The following LCLAT1 variants were observed in gnomAD, a reference collection of about 807,000 sequenced individuals.
The protein encoded by LCLAT1 is lysocardiolipin acyltransferase 1, also known as 1-AGP acyltransferase 8.
A neutral mutation model predicts 30.7 loss-of-function variants in LCLAT1; 11 were observed. That is an observed-to-expected ratio of 0.36 (90% CI 0.23 to 0.59). The LOEUF is 0.59. LCLAT1 is among the 20% of genes least tolerant of loss of function. The pLI is 0.77. For synonymous variants in LCLAT1, 155 were observed against 151.3 expected (o/e 1.02, Z -0.18); for missense variants, 402 against 458.6 (o/e 0.88, Z 1.13).
rs2148324871 is a variant in LCLAT1, at chr2:30,489,638, A to G, written c.-4-35949A>G. Among the ~76,000 whole-genome samples, 2 of 152,268 alleles carry G rather than the reference A, an allele frequency of 1.3e-5. 1 individual carries two copies. Among genetic ancestry groups the G allele is most frequent in the South Asian group, 4.1e-4 (2 of 4,826 alleles). On this transcript the variant is annotated intron_variant, in intron 1 of 5. Transcript: ENST00000379509. ...AAGTGCTGGGATTACAGGCGTGAGC[A>G]CCGCGCCCAGCCCACAGTTATCTTA...
intron 5 of LCLAT1, among the ~76,000 whole-genome samples, chr2:30,591,001 G>A (rs1029500184): frequency 5.3e-5 from 8 of 152,116 alleles, no homozygotes; most frequent in Non-Finnish European, 7.4e-5. Flanking sequence ...GCTGATATAT[G>A]TATTGTGACT....
chr2:30,491,204 A>G (rs575008538), intron 1 of LCLAT1, among the ~76,000 whole-genome samples: 1 of 152,346 alleles, frequency 6.6e-6, no homozygotes, highest in South Asian at 2.1e-4. Context: ...ACCCAAGTAC[A>G]TCTGTAAATA....
intron 5 of LCLAT1, 82 bp downstream of exon 5, chr2:30,568,258 A>G: frequency 4.8e-6 from 3 of 618,924 alleles, no homozygotes; most frequent in Non-Finnish European, 8.4e-6. Flanking sequence ...TAGAGTTTGT[A>G]AAGGATTTTT....
intron 1 of LCLAT1, among the ~76,000 whole-genome samples, chr2:30,519,337 G>T (rs374988324): frequency 6.6e-6 from 1 of 152,128 alleles, no homozygotes; most frequent in African/African-American, 2.4e-5. Flanking sequence ...CCCCTGGACC[G>T]GCCTGCTAGC....
In LCLAT1 at chr2:30,640,167, A is replaced by G; in HGVS notation, c.679A>G (p.Ile227Val). 6.2e-7 allele frequency: 1 copy of G among 1,614,018 alleles called. No homozygotes were observed. The highest frequency in any genetic ancestry group is 8.5e-7 in the Non-Finnish European group (1 of 1,179,950). ...TATCACTGTGGCGTATCCTCACAAC[A>G]TTCCTCAATCAGAGAAGCACCTCCT... ...HDITVAYPHNIPQSEKHLLQG... is the reference protein window; with the variant it reads ...HDITVAYPHNVPQSEKHLLQG... The change falls in exon 6 of 6, where the codon ATT becomes GTT. Residue 227 changes from isoleucine to valine, a missense_variant. Transcript: ENST00000379509.
At chr2:30,617,150 C>T (rs776654597) in intron 5 of LCLAT1, among the ~76,000 whole-genome samples, 2 of 152,104 alleles carry the variant, frequency 1.3e-5, no homozygotes, top group Non-Finnish European at 2.9e-5. Context: ...TGAAACATGT[C>T]CATCACCCCC....
At chr2:30,544,527 T>A (rs1399598456) in intron 3 of LCLAT1, among the ~76,000 whole-genome samples, 1 of 152,206 alleles carries the variant, frequency 6.6e-6, no homozygotes, top group Non-Finnish European at 1.5e-5. Flanking sequence ...AGTTATGCTG[T>A]TAGTAGCTTC....
chr2:30,501,351 C>G (rs996637589), intron 1 of LCLAT1, among the ~76,000 whole-genome samples: 3 of 152,038 alleles, frequency 2.0e-5, no homozygotes, highest in Non-Finnish European at 4.4e-5. Flanking sequence ...GTGGTGTGTT[C>G]ATTCAGTTTG....
chr2:30,624,932 A>G (rs1288025128), intron 5 of LCLAT1, among the ~76,000 whole-genome samples: 3 of 152,224 alleles, frequency 2.0e-5, no homozygotes, highest in Admixed American at 2.0e-4. Context: ...CCACAACAGA[A>G]TAAAACTGGA....
chr2:30,519,656 G>A (rs1050486345), intron 1 of LCLAT1, among the ~76,000 whole-genome samples: 4 of 152,164 alleles, frequency 2.6e-5, no homozygotes, highest in African/African-American at 9.6e-5. Context: ...ATGCCCATTA[G>A]GCTAAAAGCA....
At chr2:30,596,911 A>G (rs1226661576) in intron 5 of LCLAT1, among the ~76,000 whole-genome samples, 1 of 130,640 alleles carries the variant, frequency 7.7e-6, no homozygotes, top group Non-Finnish European at 1.6e-5. Context: ...TCCTTTCCCC[A>G]TTGCTTGTTT....
chr2:30,508,728 A>T (rs1351691076), intron 1 of LCLAT1, among the ~76,000 whole-genome samples: 1 of 152,014 alleles, frequency 6.6e-6, no homozygotes, highest in Non-Finnish European at 1.5e-5. Context: ...TTGCCTAAGC[A>T]AAAAGTGAAG....
At chr2:30,480,234 CAG>C (rs1340612819) in intron 1 of LCLAT1, among the ~76,000 whole-genome samples, 1 of 152,086 alleles carries the variant, frequency 6.6e-6, no homozygotes. Context: ...TTTTTCCAGA[CAG>C]GGGCTTGCTC....
intron 5 of LCLAT1, among the ~76,000 whole-genome samples, chr2:30,583,351 A>T (rs186984068): frequency 6.6e-6 from 1 of 152,218 alleles, no homozygotes; most frequent in Non-Finnish European, 1.5e-5. Context: ...TCGTTGTTTC[A>T]TTAAAGTGCC....
chr2:30,613,580 G>A (rs954219323), intron 5 of LCLAT1, among the ~76,000 whole-genome samples: 21 of 143,510 alleles, frequency 1.5e-4, no homozygotes, highest in African/African-American at 5.5e-4. Flanking sequence ...AGAAATAAGG[G>A]GAACCGGGGA....
intron 1 of LCLAT1, among the ~76,000 whole-genome samples, chr2:30,463,213 C>G (rs1305025769): frequency 1.3e-5 from 2 of 151,762 alleles, no homozygotes; most frequent in East Asian, 1.9e-4. Flanking sequence ...AGTTGATAAC[C>G]ATGTTTATTT....
rs1669418813 is a variant in LCLAT1 at position 30,643,413 on chromosome 2, CATTAGAAGAACTTG to C, written c.*2797_*2810del. The C allele has an allele frequency of 7.2e-6, 1 of 139,158 alleles. No individual in the cohort carries two copies. Among genetic ancestry groups the C allele is most frequent in the Admixed American group, 7.4e-5 (1 of 13,514 alleles). The allele number at this position is 139,158 out of a possible 1,614,324, so 8.6% of individuals were successfully genotyped here. A position where few individuals can be genotyped will look rare whatever the true frequency, so the allele number is the denominator to read the frequency against. ...AATAAGCCAAAATAATCCTAAAATT[CATTAGAAGAACTTG>C]ATAAAAGACTCAAATAAATGTTAGA... On this transcript the variant is annotated 3_prime_UTR_variant, in exon 6 of 6. Coordinates refer to ENST00000379509, the MANE Select transcript of LCLAT1 (RefSeq NM_001002257.3).
intron 1 of LCLAT1, among the ~76,000 whole-genome samples, chr2:30,501,444 G>A (rs981289223): frequency 6.6e-6 from 1 of 152,046 alleles, no homozygotes; most frequent in African/African-American, 2.4e-5. Context: ...AGCAGTTTGT[G>A]TTTTAAAGAT....
At chr2:30,606,003 C>T (rs1048089379) in intron 5 of LCLAT1, 13 of 1,293,078 alleles carry the variant, frequency 1.0e-5, no homozygotes, top group Middle Eastern at 2.1e-4. Context: ...CCACTCCCCA[C>T]TCTGTTGATC....
Sources: allele counts gnomAD v4.1 joint callset (sites outside exome capture counted in the v4.1 genomes callset), GRCh38; gene constraint gnomAD v4.1.1; transcripts MANE v1.5; gene names NCBI Gene and HGNC (gene_info 2026-07-23, HGNC 2026-07-21).